The following SUCLG2 variants were observed in gnomAD, a reference collection of about 807,000 sequenced individuals.
The protein encoded by SUCLG2 is succinate-CoA ligase GDP-forming subunit beta.
A neutral mutation model predicts 47.9 loss-of-function variants in SUCLG2; 42 were observed. The observed-to-expected ratio is 0.88, with a 90% confidence interval of 0.69 to 1.14. The LOEUF is 1.14. SUCLG2 is among the 50% of genes most tolerant of loss of function. The probability of loss-of-function intolerance (pLI) is 0.00; values close to 1 mark genes in which losing one functional copy is unlikely to be tolerated. For synonymous variants in SUCLG2, 195 were observed against 197.3 expected, an observed-to-expected ratio of 0.99 and a Z score of 0.10; for missense variants, 571 against 525.9, an observed-to-expected ratio of 1.09 and a Z score of -0.84.
At chr3:67,386,416 C>T (rs1702261110) in intron 10 of SUCLG2, among the ~76,000 whole-genome samples, 1 of 152,184 alleles carries the variant, frequency 6.6e-6, no homozygotes, top group African/African-American at 2.4e-5. Context: ...GATTACTATA[C>T]TCAAGCAGCC....
At chr3:67,400,896 AAC>A (rs1702669501) in intron 9 of SUCLG2, 45 bp from the exon 10 acceptor site, 1 of 1,608,620 alleles carries the variant, frequency 6.2e-7, no homozygotes, top group South Asian at 1.1e-5. Context: ...GCTGATCGCC[AAC>A]AGTCTCAAAA....
intron 9 of SUCLG2, among the ~76,000 whole-genome samples, chr3:67,492,026 T>C (rs1490217106): frequency 2.0e-5 from 3 of 152,206 alleles, no homozygotes; most frequent in Non-Finnish European, 4.4e-5. Context: ...TAAGAGTCCC[T>C]TCCATTCTTC....
In SUCLG2 at chr3:67,443,468, G is replaced by A. The variant is rs1387299469; in HGVS notation, c.1063-42617C>T. Reference sequence around the variant, plus strand: ...CCGAGATTGCAGCCTCTGCCCGGCCGCCACCCCGTCTGGGAAGTGAGGAGT... The same window carrying A: ...CCGAGATTGCAGCCTCTGCCCGGCCACCACCCCGTCTGGGAAGTGAGGAGT... On this transcript the variant is annotated intron_variant, in intron 9 of 10. Coordinates refer to ENST00000307227, the MANE Select transcript of SUCLG2 (RefSeq NM_003848.4). 3.0e-3 allele frequency among the ~76,000 whole-genome samples: 225 copies of A among 74,742 alleles called. 59 individuals carry two copies. Among genetic ancestry groups the A allele is most frequent in the Admixed American group, 3.1e-4 (2 of 6,542 alleles). 49.0% of individuals were successfully genotyped at this position (74,742 alleles called of 152,430 possible). A position where few individuals can be genotyped will look rare whatever the true frequency, so the allele number is the denominator to read the frequency against.
At chr3:67,448,735 T>C (rs1703985964) in intron 9 of SUCLG2, among the ~76,000 whole-genome samples, 1 of 152,210 alleles carries the variant, frequency 6.6e-6, no homozygotes, top group Non-Finnish European at 1.5e-5. Context: ...TGAAAGTTCA[T>C]AAGGACATAT....
At chr3:67,417,139 A>T (rs1703056159) in intron 9 of SUCLG2, among the ~76,000 whole-genome samples, 2 of 152,216 alleles carry the variant, frequency 1.3e-5, no homozygotes. Flanking sequence ...AGAGAAAAAA[A>T]AATAGTACTA....
At chr3:67,427,180 T>A (rs908993802) in intron 9 of SUCLG2, among the ~76,000 whole-genome samples, 1 of 152,196 alleles carries the variant, frequency 6.6e-6, no homozygotes, top group East Asian at 1.9e-4. Flanking sequence ...TTATCACTCT[T>A]CTTTTTTTAG....
chr3:67,633,945 T>C (rs987715696), intron 1 of SUCLG2, among the ~76,000 whole-genome samples: 1 of 152,214 alleles, frequency 6.6e-6, no homozygotes, highest in African/African-American at 2.4e-5. Context: ...TTATCTGTTA[T>C]CTGTTAATCC....
chr3:67,376,418 C>A, intron 10 of SUCLG2: 1 of 985,410 alleles, frequency 1.0e-6, no homozygotes, highest in Non-Finnish European at 1.2e-6. Flanking sequence ...TCTGGAGTAT[C>A]TTCTGGCCAA....
intron 9 of SUCLG2, among the ~76,000 whole-genome samples, chr3:67,441,237 GC>G (rs1703756073): frequency 6.6e-6 from 1 of 152,076 alleles, no homozygotes; most frequent in Non-Finnish European, 1.5e-5. Context: ...GGGCTGGGGG[GC>G]TAGGGGAGGG....
intron 9 of SUCLG2, among the ~76,000 whole-genome samples, chr3:67,450,669 A>C (rs1356218951): frequency 6.6e-6 from 1 of 152,214 alleles, no homozygotes; most frequent in African/African-American, 2.4e-5. Context: ...AGGCTATTTA[A>C]TTTAATATTG....
At chr3:67,439,460 G>A (rs556816555) in intron 9 of SUCLG2, among the ~76,000 whole-genome samples, 1 of 152,326 alleles carries the variant, frequency 6.6e-6, no homozygotes, top group Admixed American at 6.5e-5. Flanking sequence ...GTTTGCATAT[G>A]ACATGATTGT....
rs80318836 is a variant in SUCLG2 at position 67,612,230 on chromosome 3, A to C, written c.85-2634T>G. Among the ~76,000 whole-genome samples the C allele has an allele frequency of 8.1e-4, 123 of 152,258 alleles. 3 individuals carry two copies. In the East Asian group the frequency reaches 0.022, roughly 27 times the overall value. Reference sequence around the variant, plus strand: ...AAACATTAGCTGGATGTGGTAGTGCATGCCCACAGTACCAGCTAATTGGGT... The same window carrying C: ...AAACATTAGCTGGATGTGGTAGTGCCTGCCCACAGTACCAGCTAATTGGGT... On this transcript the variant is annotated intron_variant, in intron 1 of 10. Coordinates refer to ENST00000307227, the MANE Select transcript of SUCLG2 (RefSeq NM_003848.4).
At chr3:67,578,825 G>A (rs1707810491) in intron 2 of SUCLG2, among the ~76,000 whole-genome samples, 1 of 152,172 alleles carries the variant, frequency 6.6e-6, no homozygotes, top group South Asian at 2.1e-4. Context: ...GGAACAGCCT[G>A]AGACCCAGAG....
At chr3:67,368,900 C>T (rs1015561647) in intron 10 of SUCLG2, among the ~76,000 whole-genome samples, 2 of 152,138 alleles carry the variant, frequency 1.3e-5, no homozygotes, top group African/African-American at 4.8e-5. Context: ...GCCACCAGGC[C>T]CGGCTGGCAT....
chr3:67,646,325 G>A (rs988099993), intron 1 of SUCLG2, among the ~76,000 whole-genome samples: 1 of 152,170 alleles, frequency 6.6e-6, no homozygotes, highest in Non-Finnish European at 1.5e-5. Flanking sequence ...GGCCGGGCAC[G>A]GTGGCTCACG....
At chr3:67,367,002 G>A (rs987723371) in intron 10 of SUCLG2, among the ~76,000 whole-genome samples, 1 of 152,126 alleles carries the variant, frequency 6.6e-6, no homozygotes, top group South Asian at 2.1e-4. Context: ...AAGTTAAAGA[G>A]ACTTACAGCA....
chr3:67,386,375 A>G (rs544025392), intron 10 of SUCLG2, among the ~76,000 whole-genome samples: 3 of 152,232 alleles, frequency 2.0e-5, no homozygotes, highest in South Asian at 4.1e-4. Flanking sequence ...ATAACTATCC[A>G]AAAGTCTTGT....
At chr3:67,403,455 A>G (rs1033524840) in intron 9 of SUCLG2, among the ~76,000 whole-genome samples, 4 of 152,224 alleles carry the variant, frequency 2.6e-5, no homozygotes, top group Non-Finnish European at 4.4e-5. Flanking sequence ...CAGACACTTG[A>G]TCAACATCTC....
chr3:67,375,574 G>T lies in SUCLG2; in HGVS notation c.*170C>A, dbSNP rs142431113. The T allele has an allele frequency of 1.4e-4, 194 of 1,409,256 alleles. No individual in the cohort carries two copies. The African/African-American group carries it at 2.7e-3, about 20-fold the overall frequency. 87.3% of individuals were successfully genotyped at this position (1,409,256 alleles called of 1,614,324 possible). A position where few individuals can be genotyped will look rare whatever the true frequency, so the allele number is the denominator to read the frequency against. On this transcript the variant is annotated 3_prime_UTR_variant, in exon 11 of 11. Transcript: ENST00000307227. ...TTATAAAGACCAAAATCAGATTTAG[G>T]CTGTCTAGATATCTTATTCCAGAAA...
Sources: gnomAD v4.1 joint callset for allele counts (sites outside exome capture counted in the v4.1 genomes callset) on GRCh38, gnomAD v4.1.1 for gene constraint, MANE v1.5 for transcripts, NCBI Gene and HGNC (gene_info 2026-07-23, HGNC 2026-07-21) for gene names.